The following USP4 variants were observed in gnomAD, a reference collection of about 807,000 sequenced individuals.
The protein encoded by USP4 is ubiquitin carboxyl-terminal hydrolase 4.
Under a neutral mutation model 118.2 loss-of-function variants are expected in USP4, and 72 were observed. The observed-to-expected ratio is 0.61, with a 90% CI of 0.50 to 0.74. The LOEUF is 0.74. Among genes scored for constraint, USP4 ranks in the 30% least tolerant of loss-of-function variants. The pLI is 0.00. For missense variants in USP4, 1,037 were observed against 1,185.7 expected, an observed-to-expected ratio of 0.87 and a Z score of 1.84; for synonymous variants, 415 against 440.4, an observed-to-expected ratio of 0.94 and a Z score of 0.72.
chr3:49,335,167 C>A (rs1267377791), intron 2 of USP4, among the ~76,000 whole-genome samples: 1 of 152,156 alleles, frequency 6.6e-6, no homozygotes, highest in Non-Finnish European at 1.5e-5. Flanking sequence ...AAAATGACAT[C>A]CTATTTCTTT....
Position 49,277,887 on chromosome 3 carries a change from G to T in USP4, c.*406C>A. The T allele has an allele frequency of 2.7e-6, 1 of 371,694 alleles. No individual in the cohort carries two copies. The highest frequency in any genetic ancestry group is 4.8e-6 in the Non-Finnish European group (1 of 210,332). The allele number at this position is 371,694 out of a possible 1,614,324, so 23.0% of individuals were successfully genotyped here. On this transcript the variant is annotated 3_prime_UTR_variant, in exon 22 of 22. Transcript: ENST00000265560. Reference sequence around the variant, plus strand: ...GGTTACTGTGAGCAGACTACTTGGGGTGACTAGTATTGGCATCAGAACCAG... The same window carrying T: ...GGTTACTGTGAGCAGACTACTTGGGTTGACTAGTATTGGCATCAGAACCAG...
intron 7 of USP4, among the ~76,000 whole-genome samples, chr3:49,310,956 G>GA (rs974450395): frequency 4.5e-4 from 68 of 152,232 alleles, no homozygotes; most frequent in African/African-American, 1.6e-3. Flanking sequence ...AACACTACTT[G>GA]AATTTTCCTC....
chr3:49,327,564 G>A (rs2107800695), intron 3 of USP4, 122 bp downstream of exon 3: 4 of 1,023,208 alleles, frequency 3.9e-6, no homozygotes, highest in Middle Eastern at 2.8e-4. Flanking sequence ...CCAGAAACAA[G>A]GCCTCAAGCA....
At chr3:49,317,082 T>G (rs1575615004) in intron 6 of USP4, 1 of 1,294,550 alleles carries the variant, frequency 7.7e-7, no homozygotes, top group Non-Finnish European at 1.1e-6. Context: ...CATGGTCTGG[T>G]CAGCTGTCCC....
intron 2 of USP4, 70 bp from the exon 3 acceptor site, chr3:49,327,886 T>C: frequency 7.0e-7 from 1 of 1,430,654 alleles, no homozygotes. Context: ...ATGATTTCCA[T>C]GTACTTTTCA....
chr3:49,325,184 T>A, intron 4 of USP4, 145 bp from the exon 5 acceptor site: 1 of 1,047,406 alleles, frequency 9.5e-7, no homozygotes, highest in Non-Finnish European at 1.4e-6. Flanking sequence ...AAATCAATCA[T>A]CTCCCATGGG....
At chr3:49,286,430 G>A (rs2047091475) in intron 15 of USP4, 105 bp from the exon 16 acceptor site, 1 of 1,161,740 alleles carries the variant, frequency 8.6e-7, no homozygotes, top group Non-Finnish European at 1.2e-6. Flanking sequence ...ATTTTGTTCT[G>A]TGTATATGAA....
chr3:49,306,204 T>G (rs2047315168), intron 8 of USP4, among the ~76,000 whole-genome samples: 1 of 149,456 alleles, frequency 6.7e-6, no homozygotes, highest in Admixed American at 6.6e-5. Context: ...AAAAGTGTTT[T>G]TTTTTGTTTT....
At chr3:49,304,334 G>A (rs981679184) in intron 9 of USP4, among the ~76,000 whole-genome samples, 1 of 152,008 alleles carries the variant, frequency 6.6e-6, no homozygotes, top group African/African-American at 2.4e-5. Context: ...TCTGCTGAGC[G>A]GGAGGGAGCA....
intron 2 of USP4, among the ~76,000 whole-genome samples, chr3:49,329,369 G>C (rs1427998446): frequency 6.6e-6 from 1 of 151,906 alleles, no homozygotes; most frequent in Non-Finnish European, 1.5e-5. Context: ...TGTTGATTTT[G>C]ACCTCCCATG....
chr3:49,326,804 C>T (rs1420825019), intron 3 of USP4, among the ~76,000 whole-genome samples: 1 of 138,056 alleles, frequency 7.2e-6, no homozygotes, highest in Non-Finnish European at 1.6e-5. Flanking sequence ...TGGGTTCAAG[C>T]AATTCTCCTG....
intron 1 of USP4, among the ~76,000 whole-genome samples, chr3:49,337,114 C>G (rs528275795): frequency 6.6e-6 from 1 of 152,032 alleles, no homozygotes; most frequent in East Asian, 2.0e-4. Flanking sequence ...CCCATCTCTA[C>G]TAAAATTACA....
At chr3:49,298,490 T>C in intron 12 of USP4, 62 bp downstream of exon 12, 2 of 1,547,546 alleles carry the variant, frequency 1.3e-6, no homozygotes, top group South Asian at 2.2e-5. Flanking sequence ...AGGTTGAAAG[T>C]AAACTCCAAA....
intron 10 of USP4, among the ~76,000 whole-genome samples, chr3:49,301,634 G>GC (rs1406968917): frequency 1.3e-5 from 2 of 152,056 alleles, no homozygotes; most frequent in Non-Finnish European, 2.9e-5. Context: ...GTTGCAGTGA[G>GC]CCAAGATCAC....
At position 49,311,663 on chromosome 3, in the gene USP4, G is replaced by T; in HGVS notation, c.696-9C>A. Reference sequence around the variant, plus strand: ...TAGGCGCAGTGCTTGATCTGGGAGAGAGAAGCAGAAACAATGCTACTGACT... The same window carrying T: ...TAGGCGCAGTGCTTGATCTGGGAGATAGAAGCAGAAACAATGCTACTGACT... On this transcript the variant is annotated splice_polypyrimidine_tract_variant and intron_variant, in intron 6 of 21. Coordinates refer to ENST00000265560, the MANE Select transcript of USP4 (RefSeq NM_003363.4). 6.2e-7 allele frequency: 1 copy of T among 1,613,178 alleles called. No homozygotes were observed. Among genetic ancestry groups the T allele is most frequent in the South Asian group, 1.1e-5 (1 of 90,888 alleles).
intron 1 of USP4, among the ~76,000 whole-genome samples, chr3:49,337,563 T>C (rs2047681911): frequency 6.6e-6 from 1 of 151,854 alleles, no homozygotes; most frequent in African/African-American, 2.4e-5. Context: ...TGAGTAGCTG[T>C]GACTATAGGC....
In USP4 at chr3:49,294,453, T is replaced by G; in HGVS notation, c.1837A>C (p.Lys613Gln). 3 of 1,614,142 alleles carry G rather than the reference T, an allele frequency of 1.9e-6. No individual in the cohort carries two copies. The highest frequency in any genetic ancestry group is 2.5e-6 in the Non-Finnish European group (3 of 1,180,010). ...TGGTACAAAGACTCAAGGGTTAACT[T>G]GTGCTTGGGGACAGAAAGCAATAGT... Reference protein sequence around the residue: ...QPLLLSVPKHKLTLESLYQAV... With the variant: ...QPLLLSVPKHQLTLESLYQAV... Residue 613 changes from lysine to glutamine, a missense_variant, in exon 14 of 22, where the codon AAG becomes CAG. Lys to Gln is a moderately conservative substitution (Grantham distance 53). Coordinates refer to ENST00000265560, the MANE Select transcript of USP4 (RefSeq NM_003363.4).
At position 49,278,142 on chromosome 3, in the gene USP4, CTTT is replaced by C. The variant is rs11309567; in HGVS notation, c.*148_*150del. 492 of 671,804 alleles carry C rather than the reference CTTT, an allele frequency of 7.3e-4. No homozygotes were observed. Among genetic ancestry groups the C allele is most frequent in the South Asian group, 1.6e-3 (38 of 23,410 alleles). 41.6% of individuals were successfully genotyped at this position (671,804 alleles called of 1,614,324 possible). ...TAGCTTCTTCTAGGTAAACGGTCTT[CTTT>C]TTTTTTTTTTGTTTCCTTCTGCTCA... On this transcript the variant is annotated 3_prime_UTR_variant, in exon 22 of 22. Coordinates refer to ENST00000265560, the MANE Select transcript of USP4 (RefSeq NM_003363.4).
Position 49,278,183 on chromosome 3 carries a change from A to G in USP4, c.*110T>C. The G allele has an allele frequency of 2.5e-6, 3 of 1,220,714 alleles. No individual in the cohort carries two copies. Among genetic ancestry groups the G allele is most frequent in the Non-Finnish European group, 2.2e-6 (2 of 914,678 alleles). 75.6% of individuals were successfully genotyped at this position (1,220,714 alleles called of 1,614,324 possible). ...TTCCTTCTGCTCATAAAAGAAGGGT[A>G]TTTCCTTGTCTGGTTTTTAGACAGA... On this transcript the variant is annotated 3_prime_UTR_variant, in exon 22 of 22. Coordinates refer to ENST00000265560, the MANE Select transcript of USP4 (RefSeq NM_003363.4).
Sources: allele counts gnomAD v4.1 joint callset (sites outside exome capture counted in the v4.1 genomes callset), GRCh38; gene constraint gnomAD v4.1.1; transcripts MANE v1.5; gene names NCBI Gene and HGNC (gene_info 2026-07-23, HGNC 2026-07-21).